The following ADAMTS9 variants were observed in gnomAD, a reference collection of about 807,000 sequenced individuals.
ADAMTS9 encodes the protein ADAM metallopeptidase with thrombospondin type 1 motif 9.
In ADAMTS9, 107 loss-of-function variants were observed where a neutral mutation model predicts 257.1. The observed-to-expected ratio is 0.42, with a 90% CI of 0.36 to 0.49. The LOEUF (loss-of-function observed/expected upper bound fraction) is 0.49, where lower values mean the gene tolerates loss of function less well. Ranked by LOEUF, ADAMTS9 falls within the 20% of genes least tolerant of loss-of-function variation. The pLI, the probability that ADAMTS9 is intolerant of heterozygous loss-of-function variation, is 0.03. For synonymous variants in ADAMTS9, 982 were observed against 880.9 expected, an observed-to-expected ratio of 1.11 and a Z score of -2.03; for missense variants, 2,353 against 2,469.1, an observed-to-expected ratio of 0.95 and a Z score of 1.00.
chr3:64,541,655 T>C (rs1022918445), intron 33 of ADAMTS9, 35 bp from the exon 34 acceptor site: 1 of 1,584,382 alleles, frequency 6.3e-7, no homozygotes, highest in South Asian at 1.1e-5. Flanking sequence ...TAGGGTGTGA[T>C]GATCCGAGAT....
At chr3:64,629,896 GC>G (rs1417961531) in intron 16 of ADAMTS9, among the ~76,000 whole-genome samples, 1 of 152,162 alleles carries the variant, frequency 6.6e-6, no homozygotes, top group Non-Finnish European at 1.5e-5. Flanking sequence ...TATCTATGCA[GC>G]TTCATGTAGA....
rs1350443790 is a variant in ADAMTS9 at position 64,550,957 on chromosome 3, C to G, written c.4804G>C (p.Val1602Leu). 6.2e-7 allele frequency: 1 copy of G among 1,614,078 alleles called. No homozygotes were observed. The highest frequency in any genetic ancestry group is 1.3e-5 in the African/African-American group (1 of 74,952). The change falls in exon 31 of 40, where the codon GTG becomes CTG. Residue 1602 changes from valine to leucine, a missense_variant. Transcript: ENST00000498707. ...TGCAAACTACAGCTTTCACGGTCCA[C>G]CGGCCGCTTGCTCACGTCACAGCGT... ...GARCDVSKRP[V>L]DRESCSLQPC... is the part of the protein sequence containing the mutation.
intron 25 of ADAMTS9, among the ~76,000 whole-genome samples, chr3:64,603,449 C>T (rs372301340): frequency 6.6e-6 from 1 of 152,134 alleles, no homozygotes; most frequent in Non-Finnish European, 1.5e-5. Flanking sequence ...GCTTGGTGTA[C>T]AGCAGGCAGG....
chr3:64,529,002 T>C (rs2082945067), intron 38 of ADAMTS9, among the ~76,000 whole-genome samples: 1 of 152,170 alleles, frequency 6.6e-6, no homozygotes, highest in South Asian at 2.1e-4. Flanking sequence ...CGGTTTTCAC[T>C]GTGGCACCAA....
In ADAMTS9 at chr3:64,654,453, C is replaced by T; in HGVS notation, c.1216G>A (p.Ala406Thr). ...AHDKCDTLGL[A>T]ELGTICDPYR... ...GGATCACAAATGGTTCCCAGTTCAGCCAGGCCTATTAGAAGGAAAAAAACC... is the reference window on the plus strand; with the variant it reads ...GGATCACAAATGGTTCCCAGTTCAGTCAGGCCTATTAGAAGGAAAAAAACC... The change falls in exon 8 of 40, where the codon GCT becomes ACT. Residue 406 changes from alanine to threonine, a missense_variant. Physicochemically the swap from Ala to Thr is moderately conservative, Grantham distance 58. Transcript: ENST00000498707. 1.2e-6 allele frequency: 2 copies of T among 1,613,856 alleles called. No homozygotes were observed. Among genetic ancestry groups the T allele is most frequent in the African/African-American group, 1.3e-5 (1 of 74,976 alleles).
At chr3:64,637,513 T>A (rs528190284) in intron 12 of ADAMTS9, among the ~76,000 whole-genome samples, 1 of 152,346 alleles carries the variant, frequency 6.6e-6, no homozygotes, top group South Asian at 2.1e-4. Context: ...AAATTCAAGA[T>A]GATGCATGAC....
intron 16 of ADAMTS9, among the ~76,000 whole-genome samples, chr3:64,625,473 A>G (rs561891305): frequency 6.6e-6 from 1 of 152,300 alleles, no homozygotes; most frequent in African/African-American, 2.4e-5. Context: ...AGCTCTGAAT[A>G]TTTGTGGTTC....
At chr3:64,628,010 G>T (rs949929215) in intron 16 of ADAMTS9, among the ~76,000 whole-genome samples, 1 of 152,100 alleles carries the variant, frequency 6.6e-6, no homozygotes, top group African/African-American at 2.4e-5. Flanking sequence ...AGTAACCACC[G>T]TGAGGTTCAA....
chr3:64,687,559 C>A lies in ADAMTS9; in HGVS notation c.99G>T (p.Arg33Ser). ...PDAAAAVRKD[R>S]LHPRQVKLLE... ...CCTGGTTACCTTGCCTCGGGTGCAGCCTGTCCTTGCGCACGGCCGCCGCGG... is the reference window on the plus strand; with the variant it reads ...CCTGGTTACCTTGCCTCGGGTGCAGACTGTCCTTGCGCACGGCCGCCGCGG... Residue 33 changes from arginine (R) to serine (S), a missense_variant, in exon 1 of 40, where the codon AGG becomes AGT. Coordinates refer to ENST00000498707, the MANE Select transcript of ADAMTS9 (RefSeq NM_182920.2). This position sits in a 1 kb window ranked among gnomAD's most constrained non-coding sequence, Gnocchi z 4.4. 6.4e-7 allele frequency: 1 copy of A among 1,555,476 alleles called. No individual in the cohort carries two copies. The highest frequency in any genetic ancestry group is 8.7e-7 in the Non-Finnish European group (1 of 1,150,604).
chr3:64,590,829 C>T (rs530700168), intron 28 of ADAMTS9, among the ~76,000 whole-genome samples: 1 of 152,118 alleles, frequency 6.6e-6, no homozygotes, highest in South Asian at 2.1e-4. Context: ...ATGAAAAACC[C>T]GAACAAGCAA....
intron 37 of ADAMTS9, 101 bp downstream of exon 37, chr3:64,539,102 A>C (rs2083088964): frequency 4.1e-6 from 5 of 1,226,734 alleles, no homozygotes; most frequent in Non-Finnish European, 5.9e-6. Context: ...CCTCTAGAGC[A>C]ACTGTTCTAA....
At chr3:64,594,145 A>G in intron 28 of ADAMTS9, 113 bp downstream of exon 28, 1 of 1,142,292 alleles carries the variant, frequency 8.8e-7, no homozygotes, top group South Asian at 1.6e-5. Flanking sequence ...TATTTATAGC[A>G]GAGTTTCTGG....
At chr3:64,629,654 C>T (rs1700318175) in intron 16 of ADAMTS9, among the ~76,000 whole-genome samples, 1 of 152,220 alleles carries the variant, frequency 6.6e-6, no homozygotes, top group African/African-American at 2.4e-5. Flanking sequence ...ATGGAGTTTT[C>T]TTATCTATCA....
intron 28 of ADAMTS9, among the ~76,000 whole-genome samples, chr3:64,590,760 C>T (rs2084244511): frequency 6.6e-6 from 1 of 152,060 alleles, no homozygotes; most frequent in Admixed American, 6.6e-5. Flanking sequence ...TTACTTGGGT[C>T]GACAAGCATT....
chr3:64,673,213 T>C (rs969704600), intron 3 of ADAMTS9, among the ~76,000 whole-genome samples: 3 of 152,126 alleles, frequency 2.0e-5, no homozygotes, highest in Non-Finnish European at 2.9e-5. Context: ...TTCCTATTGA[T>C]AGGAACATCA....
At position 64,621,172 on chromosome 3, in the gene ADAMTS9, C is replaced by A; in HGVS notation, c.2755G>T (p.Asp919Tyr). 6.2e-7 allele frequency: 1 copy of A among 1,613,840 alleles called. No homozygotes were observed. The highest frequency in any genetic ancestry group is 8.5e-7 in the Non-Finnish European group (1 of 1,179,902). ...DQLTVSDQRCDRLPQPGHITE... is the reference protein window; with the variant it reads ...DQLTVSDQRCYRLPQPGHITE... ...ATGTGTCCAGGCTGGGGCAGCCGAT[C>A]GCATCTTTGATCAGAAACAGTAAGC... The change falls in exon 19 of 40, where the codon GAT (aspartate) becomes TAT (tyrosine). Residue 919 changes from aspartate to tyrosine, a missense_variant. Around this residue, in one of 3 missense-constraint regions of ADAMTS9, gnomAD observed 1,402 missense variants for 1,441.4 expected, o/e 0.97. Coordinates refer to ENST00000498707, the MANE Select transcript of ADAMTS9 (RefSeq NM_182920.2).
chr3:64,577,991 G>A (rs2083896843), intron 28 of ADAMTS9, among the ~76,000 whole-genome samples: 3 of 152,152 alleles, frequency 2.0e-5, no homozygotes, highest in African/African-American at 4.8e-5. Context: ...ATGTCAGGTA[G>A]ACTATCCTGA....
At chr3:64,564,259 C>G (rs181201109) in intron 29 of ADAMTS9, among the ~76,000 whole-genome samples, 2 of 152,318 alleles carry the variant, frequency 1.3e-5, no homozygotes, top group Admixed American at 6.5e-5. Flanking sequence ...CTACTCCCCA[C>G]TGTGCAATGC....
At chr3:64,551,367 G>A (rs896577207) in intron 30 of ADAMTS9, among the ~76,000 whole-genome samples, 2 of 151,896 alleles carry the variant, frequency 1.3e-5, no homozygotes, top group Non-Finnish European at 2.9e-5. Flanking sequence ...CCGCCACCAC[G>A]CCAGGCTAAT....
Sources: gnomAD v4.1 joint callset for allele counts (sites outside exome capture counted in the v4.1 genomes callset) on GRCh38, gnomAD v4.1.1 for gene constraint, gnomAD v4.1.1 regional missense constraint, Gnocchi (gnomAD v3.1) non-coding constraint, MANE v1.5 for transcripts, NCBI Gene and HGNC (gene_info 2026-07-23, HGNC 2026-07-21) for gene names.